Variants in EPHA6 observed in about 807,000 individuals in gnomAD.
The protein encoded by EPHA6 is EPH receptor A6.
Under a neutral mutation model 112.0 loss-of-function variants are expected in EPHA6, and 50 were observed. The ratio of observed to expected loss-of-function variants is 0.45; its 90% CI spans 0.36 to 0.56. EPHA6 has a LOEUF of 0.56. EPHA6 is among the 20% of genes least tolerant of loss of function. The pLI is 0.00. For synonymous variants in EPHA6, 529 were observed against 490.7 expected, an observed-to-expected ratio of 1.08 and a Z score of -1.03; for missense variants, 1,280 against 1,417.4, an observed-to-expected ratio of 0.90 and a Z score of 1.56.
chr3:97,557,125 T>A lies in EPHA6; in HGVS notation c.2386+24582T>A, dbSNP rs1249547780. On this transcript the variant is annotated intron_variant, in intron 11 of 17. Coordinates refer to ENST00000389672, the MANE Select transcript of EPHA6 (RefSeq NM_001080448.3). ...GAAGTGTAATTCATGAGTCAAAGAA[T>A]TTGACATCAGTTTGTGATTTCACAT... Among the ~76,000 whole-genome samples, 3 of 152,048 alleles carry A rather than the reference T, an allele frequency of 2.0e-5. No homozygotes were observed. The South Asian group carries it at 6.2e-4, about 31-fold the overall frequency.
intron 11 of EPHA6, among the ~76,000 whole-genome samples, chr3:97,572,992 T>C (rs759688747): frequency 6.6e-6 from 1 of 152,204 alleles, no homozygotes; most frequent in Non-Finnish European, 1.5e-5. Context: ...GGTTGAATTT[T>C]TGACTTTCTG....
intron 3 of EPHA6, among the ~76,000 whole-genome samples, chr3:97,063,417 T>C (rs1296955633): frequency 1.3e-5 from 2 of 152,146 alleles, no homozygotes; most frequent in African/African-American, 2.4e-5. Flanking sequence ...TGGATGGAGC[T>C]GGAATCCATT....
At chr3:97,035,337 A>G (rs2045049000) in intron 3 of EPHA6, among the ~76,000 whole-genome samples, 1 of 151,960 alleles carries the variant, frequency 6.6e-6, no homozygotes, top group Non-Finnish European at 1.5e-5. Context: ...TGCTTTGCAG[A>G]TAAAATTTCC....
chr3:97,204,175 A>C (rs1437549353), intron 3 of EPHA6, among the ~76,000 whole-genome samples: 1 of 152,136 alleles, frequency 6.6e-6, no homozygotes, highest in Non-Finnish European at 1.5e-5. Flanking sequence ...GAATAGTGAA[A>C]TTGTGGAATA....
intron 10 of EPHA6, 129 bp downstream of exon 10, chr3:97,484,188 A>G (rs979177133): frequency 1.4e-6 from 1 of 716,174 alleles, no homozygotes. Context: ...AAGTAAAGTG[A>G]TCTTGTATAT....
At chr3:97,516,033 G>A (rs577113182) in intron 10 of EPHA6, among the ~76,000 whole-genome samples, 94 of 152,012 alleles carry the variant, frequency 6.2e-4, no homozygotes, top group Admixed American at 1.1e-3. Flanking sequence ...GATATTCAGA[G>A]TGGCATATTT....
intron 3 of EPHA6, among the ~76,000 whole-genome samples, chr3:97,138,018 T>G (rs1356063129): frequency 6.6e-6 from 1 of 152,066 alleles, no homozygotes; most frequent in Non-Finnish European, 1.5e-5. Context: ...CACTGAAATT[T>G]AGCAGAGAGA....
intron 7 of EPHA6, among the ~76,000 whole-genome samples, chr3:97,470,609 T>C (rs1260296092): frequency 6.6e-6 from 1 of 151,642 alleles, no homozygotes; most frequent in African/African-American, 2.4e-5. Context: ...TCTCCGACAC[T>C]TTCCTAAAGA....
rs533083246 is a variant in EPHA6, at chr3:96,848,640, A to G, written c.386-18185A>G. Among the ~76,000 whole-genome samples the G allele has an allele frequency of 3.3e-5, 5 of 152,206 alleles. No individual in the cohort carries two copies. The East Asian group carries it at 9.7e-4, about 30-fold the overall frequency. Reference sequence around the variant, plus strand: ...ACTCCGTCTATTTAAAAAAAATTAAATCTTCATATTTTAAACGTTTATTTG... The same window carrying G: ...ACTCCGTCTATTTAAAAAAAATTAAGTCTTCATATTTTAAACGTTTATTTG... On this transcript the variant is annotated intron_variant, in intron 1 of 17. Coordinates refer to ENST00000389672, the MANE Select transcript of EPHA6 (RefSeq NM_001080448.3).
At chr3:97,129,394 C>G (rs1218791767) in intron 3 of EPHA6, among the ~76,000 whole-genome samples, 2 of 151,768 alleles carry the variant, frequency 1.3e-5, no homozygotes, top group African/African-American at 4.8e-5. Context: ...CCCAGCTACT[C>G]AGGAGGCTGA....
intron 5 of EPHA6, among the ~76,000 whole-genome samples, chr3:97,378,525 G>C (rs1304876096): frequency 2.6e-5 from 4 of 152,092 alleles, no homozygotes; most frequent in African/African-American, 9.7e-5. Flanking sequence ...AGCTTGCACT[G>C]TGCACCTGGA....
chr3:97,724,549 A>G (rs539054205), intron 15 of EPHA6, among the ~76,000 whole-genome samples: 19 of 152,050 alleles, frequency 1.2e-4, no homozygotes, highest in Non-Finnish European at 2.5e-4. Flanking sequence ...CAGGAAGATC[A>G]CTTCCCAGGA....
chr3:97,103,099 G>C (rs2047453211), intron 3 of EPHA6, among the ~76,000 whole-genome samples: 1 of 152,026 alleles, frequency 6.6e-6, no homozygotes, highest in South Asian at 2.1e-4. Context: ...TTACTCTATT[G>C]ATAGTTTCTT....
At chr3:97,175,089 G>A (rs1283055572) in intron 3 of EPHA6, among the ~76,000 whole-genome samples, 1 of 151,882 alleles carries the variant, frequency 6.6e-6, no homozygotes, top group African/African-American at 2.4e-5. Context: ...GTGAGAAATA[G>A]GGGTCTAGTT....
chr3:97,210,513 G>A (rs985951137), intron 3 of EPHA6, among the ~76,000 whole-genome samples: 4 of 152,102 alleles, frequency 2.6e-5, no homozygotes, highest in African/African-American at 9.7e-5. Context: ...GTGAGGACAC[G>A]GAGCCAAACC....
intron 14 of EPHA6, among the ~76,000 whole-genome samples, chr3:97,650,801 G>A (rs1206559755): frequency 7.0e-6 from 1 of 143,612 alleles, no homozygotes; most frequent in Non-Finnish European, 1.5e-5. Context: ...AGGTTGCAGT[G>A]AGCTGAGATT....
chr3:97,154,888 A>G (rs896004039), intron 3 of EPHA6, among the ~76,000 whole-genome samples: 1 of 152,332 alleles, frequency 6.6e-6, no homozygotes, highest in South Asian at 2.1e-4. Flanking sequence ...TAAAATATGC[A>G]TACTTTATTC....
intron 5 of EPHA6, among the ~76,000 whole-genome samples, chr3:97,297,867 G>A (rs916392121): frequency 6.6e-6 from 1 of 152,084 alleles, no homozygotes; most frequent in Non-Finnish European, 1.5e-5. Flanking sequence ...CAGTTCAAGT[G>A]ATTCTCCTGC....
At chr3:97,721,394 C>T (rs1206788657) in intron 15 of EPHA6, among the ~76,000 whole-genome samples, 2 of 152,112 alleles carry the variant, frequency 1.3e-5, no homozygotes, top group East Asian at 3.9e-4. Context: ...TAATGTCAGG[C>T]ATAGATAAGA....
Sources: gnomAD v4.1 joint callset for allele counts (sites outside exome capture counted in the v4.1 genomes callset) on GRCh38, gnomAD v4.1.1 for gene constraint, MANE v1.5 for transcripts, NCBI Gene and HGNC (gene_info 2026-07-23, HGNC 2026-07-21) for gene names.